The following COX10 variants were observed in gnomAD, a reference collection of about 807,000 sequenced individuals.
The protein encoded by COX10 is protoheme IX farnesyltransferase, mitochondrial.
Under a neutral mutation model 37.3 loss-of-function variants are expected in COX10, and 27 were observed. That is an observed-to-expected ratio of 0.72 (90% CI 0.53 to 1.00). The LOEUF is 1.00. Among genes scored for constraint, COX10 ranks in the 50% least tolerant of loss-of-function variants. The pLI is 0.00. For synonymous variants in COX10, 222 were observed against 229.1 expected, an observed-to-expected ratio of 0.97 and a Z score of 0.28; for missense variants, 475 against 563.2, an observed-to-expected ratio of 0.84 and a Z score of 1.59.
At chr17:14,166,200 C>G (rs1262812890) in intron 5 of COX10, among the ~76,000 whole-genome samples, 1 of 152,200 alleles carries the variant, frequency 6.6e-6, no homozygotes, top group Non-Finnish European at 1.5e-5. Context: ...AAGATGCCAT[C>G]TAGGACTTTG....
intron 4 of COX10, among the ~76,000 whole-genome samples, chr17:14,130,051 C>T (rs1035474045): frequency 1.3e-5 from 2 of 152,130 alleles, no homozygotes; most frequent in Non-Finnish European, 2.9e-5. Flanking sequence ...GTGCTGAAGC[C>T]ACCCAGTGCC....
chr17:14,147,054 A>G (rs1031120170), intron 4 of COX10, among the ~76,000 whole-genome samples: 1 of 152,186 alleles, frequency 6.6e-6, no homozygotes, highest in Non-Finnish European at 1.5e-5. Flanking sequence ...GGGAATGTGA[A>G]TTATTAGTAG....
chr17:14,137,702 A>G (rs953369941), intron 4 of COX10, among the ~76,000 whole-genome samples: 2 of 152,058 alleles, frequency 1.3e-5, no homozygotes, highest in African/African-American at 4.8e-5. Flanking sequence ...ACAACTATCT[A>G]ATACAAATCC....
chr17:14,071,231 A>C (rs79801467), intron 1 of COX10, among the ~76,000 whole-genome samples: 3,419 of 152,160 alleles, frequency 0.022, 127 homozygotes, highest in African/African-American at 0.079. Context: ...TTTCCATTCT[A>C]TATTGTCAGC....
At chr17:14,113,348 C>A (rs755322744) in intron 4 of COX10, among the ~76,000 whole-genome samples, 3 of 152,116 alleles carry the variant, frequency 2.0e-5, no homozygotes, top group Non-Finnish European at 4.4e-5. Flanking sequence ...TCATACCCAA[C>A]AAAACCTGTC....
chr17:14,195,082 C>T (rs924967532), intron 6 of COX10, among the ~76,000 whole-genome samples: 1 of 152,180 alleles, frequency 6.6e-6, no homozygotes, highest in African/African-American at 2.4e-5. Flanking sequence ...CAGATCAAAC[C>T]ATATGCTTAA....
At chr17:14,182,127 A>G (rs188146116) in intron 5 of COX10, 9,893 of 983,834 alleles carry the variant, frequency 0.01, 62 homozygotes, top group Non-Finnish European at 0.011. Context: ...AAAATTATTA[A>G]TATAATACCA....
intron 4 of COX10, among the ~76,000 whole-genome samples, chr17:14,109,826 A>G (rs1019308924): frequency 5.3e-5 from 8 of 152,100 alleles, no homozygotes; most frequent in Non-Finnish European, 1.0e-4. Context: ...AACGACATCG[A>G]GTGGATCTAG....
At chr17:14,144,399 T>C (rs1040424448) in intron 4 of COX10, among the ~76,000 whole-genome samples, 2 of 152,160 alleles carry the variant, frequency 1.3e-5, no homozygotes, top group South Asian at 4.1e-4. Context: ...TTTTGTATTA[T>C]AATTGTGAGG....
Position 14,153,301 on chromosome 17 carries a change from A to T in COX10, c.625-6576A>T, listed in dbSNP as rs572368092. Among the ~76,000 whole-genome samples the T allele has an allele frequency of 2.0e-5, 3 of 152,348 alleles. No homozygotes were observed. The East Asian group carries it at 5.8e-4, about 29-fold the overall frequency. On this transcript the variant is annotated intron_variant, in intron 4 of 6. Transcript: ENST00000261643. ...TCCCCAAAAGAGAAGACAAGTCTCT[A>T]TTCATCTTTAGGTGCCATTCATTTC...
At chr17:14,195,634 G>T (rs369238484) in intron 6 of COX10, among the ~76,000 whole-genome samples, 2 of 152,160 alleles carry the variant, frequency 1.3e-5, no homozygotes, top group East Asian at 1.9e-4. Flanking sequence ...CAAATAATGA[G>T]ACTGTACCTG....
At chr17:14,161,425 A>C (rs980926261) in intron 5 of COX10, among the ~76,000 whole-genome samples, 1 of 152,212 alleles carries the variant, frequency 6.6e-6, no homozygotes, top group African/African-American at 2.4e-5. Flanking sequence ...AAGGAGGTGC[A>C]TATGGATGCC....
At chr17:14,168,839 G>A (rs1905368550) in intron 5 of COX10, among the ~76,000 whole-genome samples, 1 of 152,234 alleles carries the variant, frequency 6.6e-6, no homozygotes, top group Non-Finnish European at 1.5e-5. Context: ...CCTGTGATGG[G>A]AGGGGCTGCA....
rs1906725323 is a variant in COX10, at chr17:14,207,019, A to ACCTTCCCCATCATGGC, written c.1146_1161dup (p.Ile388HisfsTer82). 4 of 1,613,962 alleles carry ACCTTCCCCATCATGGC rather than the reference A, an allele frequency of 2.5e-6. No individual in the cohort carries two copies. Among genetic ancestry groups the ACCTTCCCCATCATGGC allele is most frequent in the Non-Finnish European group, 3.4e-6 (4 of 1,179,894 alleles). ...CCCTGTGCTGGACATCACCACATGG[A>ACCTTCCCCATCATGGC]CCTTCCCCATCATGGCCCTTCCCAT... is the stretch of plus-strand genomic sequence containing the variant. On this transcript the variant is annotated frameshift_variant, in exon 7 of 7. Coordinates refer to ENST00000261643, the MANE Select transcript of COX10 (RefSeq NM_001303.4). LOFTEE classifies it high-confidence loss of function.
chr17:14,104,757 T>C (rs1231716347), intron 4 of COX10, among the ~76,000 whole-genome samples: 1 of 152,156 alleles, frequency 6.6e-6, no homozygotes, highest in Non-Finnish European at 1.5e-5. Context: ...TGGAAAGCTG[T>C]TTTTACTTTT....
intron 4 of COX10, among the ~76,000 whole-genome samples, chr17:14,103,429 A>T (rs1307982499): frequency 6.6e-6 from 1 of 152,192 alleles, no homozygotes; most frequent in Non-Finnish European, 1.5e-5. Flanking sequence ...CCAGGAGCAC[A>T]TTCTAGTTTT....
chr17:14,194,258 G>A (rs1213142823), intron 6 of COX10, among the ~76,000 whole-genome samples: 1 of 152,070 alleles, frequency 6.6e-6, no homozygotes, highest in Non-Finnish European at 1.5e-5. Context: ...CTTCCGGGCA[G>A]TTTCCTCCTG....
chr17:14,176,811 C>T lies in COX10; in HGVS notation c.696-15178C>T, dbSNP rs867549812. Among the ~76,000 whole-genome samples the T allele has an allele frequency of 8.6e-4, 131 of 151,956 alleles. 1 individual carries two copies. In the Middle Eastern group the frequency reaches 0.01, roughly 12 times the overall value. ...CTTGGTGCTGCTTGCCTGTTTGTTA[C>T]TGAGCTCCCTTTTGTCTATGTTGTT... is the stretch of plus-strand genomic sequence containing the variant. On this transcript the variant is annotated intron_variant, in intron 5 of 6. Coordinates refer to ENST00000261643, the MANE Select transcript of COX10 (RefSeq NM_001303.4).
intron 3 of COX10, among the ~76,000 whole-genome samples, chr17:14,085,355 TC>T: frequency 6.6e-6 from 1 of 152,326 alleles, no homozygotes; most frequent in Non-Finnish European, 1.5e-5. Flanking sequence ...TGGTATATCT[TC>T]CTCATACTTC....
Sources: allele counts gnomAD v4.1 joint callset (sites outside exome capture counted in the v4.1 genomes callset), GRCh38; gene constraint gnomAD v4.1.1; transcripts MANE v1.5; gene names NCBI Gene and HGNC (gene_info 2026-07-23, HGNC 2026-07-21).